COBL: variants seen among roughly 807,000 people sequenced by gnomAD.
COBL encodes cordon-bleu WH2 repeat protein, also known as protein cordon-bleu.
COBL carries 51 observed loss-of-function variants against 98.8 expected under a neutral mutation model. The observed-to-expected ratio is 0.52, with a 90% CI of 0.41 to 0.65. The LOEUF (loss-of-function observed/expected upper bound fraction) is 0.65, where lower values mean the gene tolerates loss of function less well. COBL is among the 30% of genes least tolerant of loss of function. The pLI, the probability that COBL is intolerant of heterozygous loss-of-function variation, is 0.00. For missense variants in COBL, 1,617 were observed against 1,617.5 expected (o/e 1.00, Z 0.01); for synonymous variants, 634 against 651.7 (o/e 0.97, Z 0.41).
intron 1 of COBL, among the ~76,000 whole-genome samples, chr7:51,291,658 G>A (rs948878266): frequency 3.3e-5 from 5 of 152,006 alleles, no homozygotes; most frequent in African/African-American, 9.7e-5. Flanking sequence ...CTACTCGGGT[G>A]GCTGAGGAAG....
intron 7 of COBL, among the ~76,000 whole-genome samples, chr7:51,074,890 T>C (rs1425426841): frequency 6.6e-6 from 1 of 152,230 alleles, no homozygotes; most frequent in Non-Finnish European, 1.5e-5. Flanking sequence ...TTATAAGTAA[T>C]AATAAAATGC....
At chr7:51,254,027 T>G (rs1796978022) in intron 1 of COBL, among the ~76,000 whole-genome samples, 1 of 152,138 alleles carries the variant, frequency 6.6e-6, no homozygotes, top group African/African-American at 2.4e-5. Context: ...ATTTTTATGT[T>G]GGATACCTCA....
chr7:51,044,957 G>T (rs1029716223), intron 7 of COBL, among the ~76,000 whole-genome samples: 2 of 152,322 alleles, frequency 1.3e-5, no homozygotes, highest in Admixed American at 1.3e-4. Flanking sequence ...CCAAGGTAAA[G>T]AATAGAACGA....
chr7:51,128,561 C>T (rs568757769), intron 6 of COBL, among the ~76,000 whole-genome samples: 1 of 152,308 alleles, frequency 6.6e-6, no homozygotes, highest in Admixed American at 6.5e-5. Context: ...GAAGAATCCT[C>T]CCACCTTATC....
chr7:51,115,756 C>A (rs1271829395), intron 6 of COBL, among the ~76,000 whole-genome samples: 1 of 151,914 alleles, frequency 6.6e-6, no homozygotes, highest in Non-Finnish European at 1.5e-5. Context: ...TTGGTCAGAT[C>A]CTCTATCTCT....
At chr7:51,026,408 G>A (rs2128868760) in intron 11 of COBL, 138 bp downstream of exon 11, 1 of 1,185,208 alleles carries the variant, frequency 8.4e-7, no homozygotes, top group South Asian at 1.5e-5. Flanking sequence ...ACACAGGCTG[G>A]GATGGCCACT....
intron 5 of COBL, among the ~76,000 whole-genome samples, chr7:51,167,830 G>A (rs916130226): frequency 7.9e-5 from 12 of 152,042 alleles, no homozygotes; most frequent in East Asian, 5.8e-4. Context: ...GGATAACAGC[G>A]TCTCTTTAAT....
At chr7:51,091,818 T>C (rs1794834506) in intron 6 of COBL, among the ~76,000 whole-genome samples, 1 of 152,166 alleles carries the variant, frequency 6.6e-6, no homozygotes, top group Non-Finnish European at 1.5e-5. Flanking sequence ...CTTATAATAT[T>C]ATCAGTAGGT....
intron 1 of COBL, among the ~76,000 whole-genome samples, chr7:51,280,702 G>A (rs2129175844): frequency 6.6e-6 from 1 of 152,308 alleles, no homozygotes; most frequent in Non-Finnish European, 1.5e-5. Flanking sequence ...ACTCCTGGGT[G>A]CGTCCCCAAA....
At position 51,024,954 on chromosome 7, in the gene COBL, G is replaced by C. The variant is rs1419291720; in HGVS notation, c.3768+155C>G. ...GAGCCTTCATCTGCCACTCTGGTCA[G>C]CACATGTGAGAGACACAGTGACGCC... is the stretch of plus-strand genomic sequence containing the variant. On this transcript the variant is annotated intron_variant, in intron 12 of 12. Coordinates refer to ENST00000265136, the MANE Select transcript of COBL (RefSeq NM_015198.5). Among the ~76,000 whole-genome samples the C allele has an allele frequency of 3.3e-5, 5 of 152,270 alleles. No individual in the cohort carries two copies. In the East Asian group the frequency reaches 9.7e-4, roughly 29 times the overall value.
At chr7:51,136,368 A>G in intron 5 of COBL, 37 bp from the exon 6 acceptor site, 1 of 1,585,610 alleles carries the variant, frequency 6.3e-7, no homozygotes, top group Non-Finnish European at 8.6e-7. Context: ...CCAAATCAGT[A>G]TGAGATGACT....
chr7:51,236,444 G>A (rs1420494353), intron 1 of COBL, among the ~76,000 whole-genome samples: 1 of 152,200 alleles, frequency 6.6e-6, no homozygotes, highest in Non-Finnish European at 1.5e-5. Flanking sequence ...CTCAGCAGGA[G>A]GGTACACCCA....
chr7:51,235,200 C>T (rs1214759991), intron 1 of COBL, among the ~76,000 whole-genome samples: 5 of 152,190 alleles, frequency 3.3e-5, no homozygotes, highest in Non-Finnish European at 5.9e-5. Flanking sequence ...ACACCATCTT[C>T]GTATGCACCC....
chr7:51,253,051 C>T (rs1224309636), intron 1 of COBL, among the ~76,000 whole-genome samples: 3 of 151,914 alleles, frequency 2.0e-5, no homozygotes, highest in South Asian at 2.1e-4. Flanking sequence ...GACAAAACCC[C>T]GTCTCTACTA....
intron 1 of COBL, 55 bp downstream of exon 1, chr7:51,316,538 C>A: frequency 8.4e-7 from 1 of 1,184,698 alleles, no homozygotes; most frequent in Non-Finnish European, 1.1e-6. Flanking sequence ...CGGACGCGGG[C>A]GTCCGAGCCC....
intron 5 of COBL, among the ~76,000 whole-genome samples, chr7:51,183,022 G>A (rs1789137599): frequency 6.6e-6 from 1 of 152,170 alleles, no homozygotes; most frequent in Non-Finnish European, 1.5e-5. Context: ...ACACATCTGT[G>A]TCTAAGCCTG....
At chr7:51,020,954 GAA>G (rs1362575379) in intron 12 of COBL, 1 of 152,248 alleles carries the variant, frequency 6.6e-6, no homozygotes, top group Non-Finnish European at 1.5e-5. Flanking sequence ...CTGCCAATGT[GAA>G]ATTTGTGTAT....
intron 2 of COBL, among the ~76,000 whole-genome samples, chr7:51,218,744 G>A (rs1054817646): frequency 6.6e-6 from 1 of 152,134 alleles, no homozygotes; most frequent in Non-Finnish European, 1.5e-5. Context: ...CCAAAGTGAT[G>A]GGACTACAGG....
intron 7 of COBL, among the ~76,000 whole-genome samples, chr7:51,048,477 T>C (rs1016362179): frequency 1.2e-4 from 18 of 152,272 alleles, no homozygotes; most frequent in South Asian, 4.1e-4. Flanking sequence ...CTGGATATCA[T>C]AGTATTTTCA....
Sources: gnomAD v4.1 joint callset for allele counts (sites outside exome capture counted in the v4.1 genomes callset) on GRCh38, gnomAD v4.1.1 for gene constraint, MANE v1.5 for transcripts, NCBI Gene and HGNC (gene_info 2026-07-23, HGNC 2026-07-21) for gene names.